TUB: variants seen among roughly 807,000 people sequenced by gnomAD.
TUB encodes tubby protein homolog.
In TUB, 33 loss-of-function variants were observed where a neutral mutation model predicts 59.7. The ratio of observed to expected loss-of-function variants is 0.55; its 90% CI spans 0.42 to 0.74. The LOEUF is 0.74. Ranked by LOEUF, TUB falls within the 30% of genes least tolerant of loss-of-function variation. The pLI, the probability that TUB is intolerant of heterozygous loss-of-function variation, is 0.00. For missense variants in TUB, 659 were observed against 672.0 expected (o/e 0.98, Z 0.21); for synonymous variants, 293 against 256.4 (o/e 1.14, Z -1.36).
In TUB at chr11:8,100,912, T is replaced by C. The variant is rs1944265407; in HGVS notation, c.1302T>C (p.Asp434=). The change falls in exon 11 of 12, where the codon GAT becomes GAC. Residue 434 remains aspartate, a synonymous_variant. Coordinates refer to ENST00000299506, the MANE Select transcript of TUB (RefSeq NM_177972.3). ...ELQNKTPVWN[D]DTQSYVLNFH... is the part of the protein sequence containing the mutation. ...AAAACAAGACACCTGTCTGGAATGA[T>C]GACACACAGTCCTATGTACTCAACT... The C allele has an allele frequency of 1.9e-6, 3 of 1,614,146 alleles. No individual in the cohort carries two copies. Among genetic ancestry groups the C allele is most frequent in the African/African-American group, 1.3e-5 (1 of 75,024 alleles).
chr11:8,088,544 C>G (rs112234670), intron 1 of TUB, among the ~76,000 whole-genome samples: 4 of 152,350 alleles, frequency 2.6e-5, no homozygotes, highest in African/African-American at 9.6e-5. Flanking sequence ...CTCACACAAA[C>G]CTAATGCACT....
chr11:8,073,152 G>T (rs1170123863), intron 2 of TUB, among the ~76,000 whole-genome samples: 1 of 152,188 alleles, frequency 6.6e-6, no homozygotes, highest in African/African-American at 2.4e-5. Context: ...CCACTTCAGA[G>T]TCTGGAAAAC....
chr11:8,091,710 G>GGGA (rs1315079481), intron 3 of TUB, among the ~76,000 whole-genome samples: 1 of 152,152 alleles, frequency 6.6e-6, no homozygotes, highest in African/African-American at 2.4e-5. Flanking sequence ...TTCAGAAAAG[G>GGGA]GGACCAGGGA....
intron 4 of TUB, among the ~76,000 whole-genome samples, chr11:8,094,771 C>T (rs936276070): frequency 1.3e-5 from 2 of 152,222 alleles, no homozygotes; most frequent in Non-Finnish European, 2.9e-5. Context: ...CTACACACCC[C>T]GTTTCCTCAA....
intron 1 of TUB, among the ~76,000 whole-genome samples, chr11:8,084,384 T>A (rs534702327): frequency 7.7e-4 from 117 of 152,392 alleles, no homozygotes; most frequent in Non-Finnish European, 1.4e-3. Context: ...CTTTTGTTTC[T>A]GTTAGTACTA....
intron 2 of TUB, among the ~76,000 whole-genome samples, chr11:8,058,730 GA>G (rs1394225497): frequency 7.9e-5 from 12 of 152,188 alleles, no homozygotes; most frequent in African/African-American, 2.7e-4. Context: ...TAACATAAAT[GA>G]AAATATCAAG....
chr11:8,076,568 C>A (rs956268882), upstream of TUB: 2 of 152,184 alleles, frequency 1.3e-5, no homozygotes, highest in Non-Finnish European at 2.9e-5. Context: ...TCATTTGGAG[C>A]CCCAAGTGGA....
chr11:8,064,248 C>T (rs1239836447), intron 2 of TUB, among the ~76,000 whole-genome samples: 3 of 152,138 alleles, frequency 2.0e-5, no homozygotes, highest in South Asian at 2.1e-4. Context: ...AAGGAGAACC[C>T]GTGGCCCCAT....
upstream of TUB, among the ~76,000 whole-genome samples, chr11:8,079,619 T>C (rs143561072): frequency 2.2e-3 from 342 of 152,250 alleles, 2 homozygotes; most frequent in African/African-American, 7.9e-3. Flanking sequence ...TGACCTGTCC[T>C]GAGCTCCAGA....
upstream of TUB, among the ~76,000 whole-genome samples, chr11:8,034,988 C>T (rs941494246): frequency 7.2e-5 from 11 of 152,322 alleles, no homozygotes; most frequent in Non-Finnish European, 1.3e-4. Context: ...CCATGTCTCC[C>T]GGCTCCTTGT....
chr11:8,048,830 T>C (rs1294452064), intron 2 of TUB, among the ~76,000 whole-genome samples: 1 of 152,228 alleles, frequency 6.6e-6, no homozygotes, highest in Non-Finnish European at 1.5e-5. Flanking sequence ...TATGTAATTA[T>C]ATGTAAGATT....
chr11:8,100,306 C>G (rs188544791), intron 9 of TUB, among the ~76,000 whole-genome samples, 197 bp from the exon 10 acceptor site: 1 of 152,092 alleles, frequency 6.6e-6, no homozygotes, highest in African/African-American at 2.4e-5. Context: ...GCAAGGATGA[C>G]GCATAAGAGG....
chr11:8,100,306 C>T (rs188544791), intron 9 of TUB, among the ~76,000 whole-genome samples, 197 bp from the exon 10 acceptor site: 157 of 152,210 alleles, frequency 1.0e-3, no homozygotes, highest in Non-Finnish European at 1.3e-3. Flanking sequence ...GCAAGGATGA[C>T]GCATAAGAGG....
In TUB at chr11:8,101,627, T is replaced by C. The variant is rs949378823; in HGVS notation, c.*8T>C. ...AAGCTGGCGTGCGAGTAGAGGCCTC[T>C]TCGTGCCCTTTGGGGTTGCCCAGCC... On this transcript the variant is annotated 3_prime_UTR_variant, in exon 12 of 12. Transcript: ENST00000299506. 22 of 1,614,064 alleles carry C rather than the reference T, an allele frequency of 1.4e-5. No homozygotes were observed. Among genetic ancestry groups the C allele is most frequent in the Non-Finnish European group, 1.8e-5 (21 of 1,179,952 alleles).
chr11:8,038,516 A>C, upstream of TUB: 16 of 725,806 alleles, frequency 2.2e-5, no homozygotes, highest in Non-Finnish European at 2.8e-5. Flanking sequence ...CTTTGTCCGC[A>C]GTGCACTTGT....
At chr11:8,096,935 C>G (rs1388966864) in intron 6 of TUB, 129 bp downstream of exon 6, 6 of 1,080,660 alleles carry the variant, frequency 5.6e-6, no homozygotes, top group Non-Finnish European at 8.3e-6. Context: ...TGTCCCTCTA[C>G]CTTGCCTCCT....
upstream of TUB, among the ~76,000 whole-genome samples, chr11:8,080,599 G>A (rs1268312711): frequency 2.0e-5 from 3 of 152,226 alleles, no homozygotes; most frequent in Non-Finnish European, 4.4e-5. Flanking sequence ...GGGATATGAT[G>A]TTTGTCTCTC....
chr11:8,029,088 G>T (rs1416492737), intron 1 of TUB, among the ~76,000 whole-genome samples: 4 of 152,132 alleles, frequency 2.6e-5, no homozygotes, highest in Non-Finnish European at 5.9e-5. Flanking sequence ...CTGGACTCTT[G>T]ACTCTTGTTT....
intron 11 of TUB, 140 bp from the exon 12 acceptor site, chr11:8,101,346 T>A: frequency 8.5e-7 from 1 of 1,173,196 alleles, no homozygotes; most frequent in Non-Finnish European, 1.2e-6. Flanking sequence ...GCCTTTGTTT[T>A]ACTTCCCTTT....
Sources: allele counts gnomAD v4.1 joint callset (sites outside exome capture counted in the v4.1 genomes callset), GRCh38; gene constraint gnomAD v4.1.1; transcripts MANE v1.5; gene names NCBI Gene and HGNC (gene_info 2026-07-23, HGNC 2026-07-21).